The following C1QTNF5 variants were observed in gnomAD, a reference collection of about 807,000 sequenced individuals.
The protein encoded by C1QTNF5 is C1q and TNF related 5, also known as complement C1q tumor necrosis factor-related protein 5.
Under a neutral mutation model 10.9 loss-of-function variants are expected in C1QTNF5, and 5 were observed. The observed-to-expected ratio is 0.46, with a 90% CI of 0.24 to 0.97. The LOEUF (loss-of-function observed/expected upper bound fraction) is 0.97. Ranked by LOEUF, C1QTNF5 falls within the 50% of genes least tolerant of loss-of-function variation. C1QTNF5 has a pLI of 0.19. For synonymous variants in C1QTNF5, 161 were observed against 156.5 expected (o/e 1.03, Z -0.22); for missense variants, 281 against 339.4 (o/e 0.83, Z 1.35).
At chr11:119,344,654 G>C, upstream of C1QTNF5, 1 of 1,614,034 alleles carries the variant, frequency 6.2e-7, no homozygotes, top group Non-Finnish European at 8.5e-7. Flanking sequence ...CACTGCAATT[G>C]GTCTCATCAC....
At chr11:119,343,922 C>T (rs777183737), upstream of C1QTNF5, 11 of 1,613,426 alleles carry the variant, frequency 6.8e-6, no homozygotes, top group Admixed American at 6.7e-5. Flanking sequence ...AACTGTAGTT[C>T]TATGCTGTGT....
upstream of C1QTNF5, chr11:119,344,702 G>A (rs745601323): frequency 1.2e-6 from 2 of 1,614,086 alleles, no homozygotes. Flanking sequence ...CACACACTGA[G>A]TCAGGTAGCA....
upstream of C1QTNF5, chr11:119,341,537 CGGCTTCAGGGTCAG>C: frequency 6.2e-7 from 1 of 1,609,064 alleles, no homozygotes; most frequent in Non-Finnish European, 8.5e-7. Flanking sequence ...GGGCAGGGGC[CGGCTTCAGGGTCAG>C]GGCTGGGCAC....
chr11:119,344,565 A>G (rs1950539037), upstream of C1QTNF5: 1 of 1,612,426 alleles, frequency 6.2e-7, no homozygotes, highest in East Asian at 2.2e-5. Context: ...GCTGGACCAG[A>G]GCTGGGGAGC....
At chr11:119,340,519 G>A (rs1211497817) in intron 1 of C1QTNF5, 79 bp from the exon 2 acceptor site, 2 of 1,081,256 alleles carry the variant, frequency 1.8e-6, no homozygotes, top group Non-Finnish European at 2.7e-6. Flanking sequence ...CGGCCCAGTC[G>A]GTCCCCACCC....
chr11:119,345,322 T>C, upstream of C1QTNF5: 1 of 1,278,278 alleles, frequency 7.8e-7, no homozygotes, highest in Non-Finnish European at 1.1e-6. Context: ...TCTCTCAATT[T>C]CTTCCTCGGT....
At chr11:119,344,883 G>A (rs1326979667), upstream of C1QTNF5, 6 of 1,613,024 alleles carry the variant, frequency 3.7e-6, no homozygotes, top group Admixed American at 1.7e-5. Flanking sequence ...CCGCGCCCAG[G>A]GGCCATAGCC....
In C1QTNF5 at chr11:119,339,772, C is replaced by G; in HGVS notation, c.291G>C (p.Glu97Asp). Residue 97 changes from glutamate (E) to aspartate (D), a missense_variant, in exon 3 of 3, where the codon GAG becomes GAC. By Grantham distance (45) the Glu-to-Asp change is conservative. Transcript: ENST00000528368. The surrounding 1 kb of genome is among the most constrained non-coding windows in gnomAD (Gnocchi z 5.4). ...AGGCGGATCGCGGAGGCACCGAGCA[C>G]TCCCCGGCAGGCCCGGTGGGCCCCG... ...GPAGPTGPAG[E>D]CSVPPRSAFS... 1 of 1,563,990 alleles carries G rather than the reference C, an allele frequency of 6.4e-7. No homozygotes were observed. The highest frequency in any genetic ancestry group is 8.6e-7 in the Non-Finnish European group (1 of 1,162,272).
chr11:119,340,796 C>G lies in C1QTNF5; in HGVS notation c.-145G>C. 1 of 259,982 alleles carries G rather than the reference C, an allele frequency of 3.8e-6. No individual in the cohort carries two copies. The allele number at this position is 259,982 out of a possible 1,614,324, so 16.1% of individuals were successfully genotyped here. ...CCCGCGCTTCTCCCCGGCCAGGCGC[C>G]CCCTGCCCTGCCGTCACCCCAGTCC... On this transcript the variant is annotated 5_prime_UTR_variant, in exon 1 of 3. Coordinates refer to ENST00000528368, the MANE Select transcript of C1QTNF5 (RefSeq NM_001278431.2).
upstream of C1QTNF5, chr11:119,344,540 AG>A (rs111623941): frequency 5.8e-5 from 92 of 1,598,622 alleles, no homozygotes; most frequent in Middle Eastern, 1.8e-4. Flanking sequence ...ATGCTGACGG[AG>A]GGCCCGGTTT....
chr11:119,346,172 A>G, the C1QTNF5 span: 1 of 1,579,648 alleles, frequency 6.3e-7, no homozygotes, highest in South Asian at 1.1e-5. Flanking sequence ...GCGGGTTGGC[A>G]GGTGGGGTTT....
chr11:119,345,521 A>G (rs2510143), upstream of C1QTNF5: 1,529,411 of 1,613,992 alleles, frequency 0.95, 725,449 homozygotes, highest in South Asian at 0.97. Context: ...GCTGTATTGC[A>G]TGGTCTGTGG....
At position 119,340,276 on chromosome 11, in the gene C1QTNF5, T is replaced by C. The variant is rs1385241819; in HGVS notation, c.122A>G (p.His41Arg). 5 of 1,528,590 alleles carry C rather than the reference T, an allele frequency of 3.3e-6. No homozygotes were observed. The East Asian group carries it at 1.3e-4, about 40-fold the overall frequency. 94.7% of individuals were successfully genotyped at this position (1,528,590 alleles called of 1,614,324 possible). ...GCGGCCCGGCAAGCCCTGGCTGCCA[T>C]GGTGGCCCGGCGTGCCTGGAAGGCC... Reference protein sequence around the residue: ...HPGLPGTPGHHGSQGLPGRDG... With the variant: ...HPGLPGTPGHRGSQGLPGRDG... Residue 41 changes from histidine to arginine, a missense_variant, in exon 2 of 3, where the codon CAT becomes CGT. His to Arg is a conservative substitution (Grantham distance 29). Transcript: ENST00000528368.
chr11:119,339,462 G>C lies in C1QTNF5; in HGVS notation c.601C>G (p.Pro201Ala). Residue 201 changes from proline (P) to alanine (A), a missense_variant, in exon 3 of 3, where the codon CCT becomes GCT. Coordinates refer to ENST00000528368, the MANE Select transcript of C1QTNF5 (RefSeq NM_001278431.2). This position sits in a 1 kb window ranked among gnomAD's most constrained non-coding sequence, Gnocchi z 5.4. Reference protein sequence around the residue: ...LSGGAMVRLEPEDQVWVQVGV... With the variant: ...LSGGAMVRLEAEDQVWVQVGV... ...ACCTGCACCCACACTTGGTCCTCAG[G>C]CTCCAGCCTCACCATGGCCCCCCCC... is the stretch of plus-strand genomic sequence containing the variant. 1 of 1,614,018 alleles carries C rather than the reference G, an allele frequency of 6.2e-7. No homozygotes were observed. Among genetic ancestry groups the C allele is most frequent in the Non-Finnish European group, 8.5e-7 (1 of 1,180,026 alleles).
At position 119,339,405 on chromosome 11, in the gene C1QTNF5, T is replaced by G; in HGVS notation, c.658A>C (p.Ser220Arg). 1 of 1,613,416 alleles carries G rather than the reference T, an allele frequency of 6.2e-7. No homozygotes were observed. Among genetic ancestry groups the G allele is most frequent in the Non-Finnish European group, 8.5e-7 (1 of 1,179,452 alleles). ...GVGDYIGIYA[S>R]IKTDSTFSGF... Reference sequence around the variant, plus strand: ...GAGAAGGTGCTGTCTGTCTTGATGCTGGCATAGATGCCAATGTAGTCACCC... The same window carrying G: ...GAGAAGGTGCTGTCTGTCTTGATGCGGGCATAGATGCCAATGTAGTCACCC... The change falls in exon 3 of 3, where the codon AGC becomes CGC. Residue 220 changes from serine to arginine, a missense_variant. Coordinates refer to ENST00000528368, the MANE Select transcript of C1QTNF5 (RefSeq NM_001278431.2). The surrounding 1 kb of genome is among the most constrained non-coding windows in gnomAD (Gnocchi z 5.4).
upstream of C1QTNF5, chr11:119,341,605 G>A: frequency 6.2e-7 from 1 of 1,612,978 alleles, no homozygotes; most frequent in Non-Finnish European, 8.5e-7. Flanking sequence ...TGCAGTTGAA[G>A]GGCCAGGGGG....
At chr11:119,343,764 G>GT, upstream of C1QTNF5, 2 of 1,609,488 alleles carry the variant, frequency 1.2e-6, no homozygotes, top group Non-Finnish European at 1.7e-6. Flanking sequence ...GAAGCCGGGG[G>GT]TGGCAGACAG....
chr11:119,345,377 G>T (rs1164462254), upstream of C1QTNF5: 1 of 1,584,996 alleles, frequency 6.3e-7, no homozygotes, highest in Non-Finnish European at 8.7e-7. Context: ...TTTAGATAGT[G>T]GTTCAGGACA....
chr11:119,345,836 A>G (rs750421729), upstream of C1QTNF5: 12 of 1,613,548 alleles, frequency 7.4e-6, no homozygotes, highest in Admixed American at 2.0e-4. Context: ...GCTGCCTGAG[A>G]GGTGGTGATG....
Sources: gnomAD v4.1 joint callset for allele counts on GRCh38, gnomAD v4.1.1 for gene constraint, Gnocchi (gnomAD v3.1) non-coding constraint, MANE v1.5 for transcripts, NCBI Gene and HGNC (gene_info 2026-07-23, HGNC 2026-07-21) for gene names.